Variants in EFCAB13 observed in about 807,000 individuals in gnomAD.
EFCAB13 encodes EF-hand calcium-binding domain-containing protein 13.
Under a neutral mutation model 110.2 loss-of-function variants are expected in EFCAB13, and 91 were observed. The ratio of observed to expected loss-of-function variants is 0.83; its 90% CI spans 0.70 to 0.98. EFCAB13 has a LOEUF of 0.98. Ranked by LOEUF, EFCAB13 falls within the 50% of genes least tolerant of loss-of-function variation. EFCAB13 has a pLI of 0.00. For synonymous variants in EFCAB13, 323 were observed against 369.9 expected, an observed-to-expected ratio of 0.87 and a Z score of 1.45; for missense variants, 968 against 1,119.4, an observed-to-expected ratio of 0.86 and a Z score of 1.93.
At chr17:47,361,607 G>C in intron 10 of EFCAB13, 86 bp downstream of exon 10, 1 of 1,158,702 alleles carries the variant, frequency 8.6e-7, no homozygotes, top group South Asian at 1.8e-5. Context: ...TTTGTGATCT[G>C]TCCTTTGCTT....
At chr17:47,356,154 G>A (rs2065479543) in intron 9 of EFCAB13, among the ~76,000 whole-genome samples, 1 of 150,952 alleles carries the variant, frequency 6.6e-6, no homozygotes, top group Non-Finnish European at 1.5e-5. Context: ...TCCTTGATTA[G>A]CCTAATAATT....
intron 24 of EFCAB13, 92 bp downstream of exon 24, chr17:47,430,053 T>C: frequency 2.8e-6 from 4 of 1,414,806 alleles, no homozygotes; most frequent in Non-Finnish European, 3.7e-6. Context: ...ATGGAGGGTA[T>C]CCTGTGGAAG....
intron 24 of EFCAB13, among the ~76,000 whole-genome samples, chr17:47,433,279 T>C (rs1174716998): frequency 1.3e-5 from 2 of 152,184 alleles, no homozygotes; most frequent in East Asian, 3.8e-4. Context: ...CAACATATAA[T>C]GCATTATATT....
At chr17:47,386,385 T>C (rs1032375180) in intron 14 of EFCAB13, among the ~76,000 whole-genome samples, 5 of 152,142 alleles carry the variant, frequency 3.3e-5, no homozygotes, top group African/African-American at 9.7e-5. Context: ...CTGCAGCCAC[T>C]TTGCCACACT....
chr17:47,396,338 G>T lies in EFCAB13; in HGVS notation c.1945+361G>T, dbSNP rs1268923617. Among the ~76,000 whole-genome samples, 9 of 151,976 alleles carry T rather than the reference G, an allele frequency of 5.9e-5. No homozygotes were observed. In the East Asian group the frequency reaches 1.5e-3, roughly 26 times the overall value. On this transcript the variant is annotated intron_variant, in intron 17 of 24. Transcript: ENST00000331493. ...TAACAGTACTTGGAATATTCATACT[G>T]TTTTGTTGAAATAGGCTTTTATTTA...
chr17:47,395,745 C>A, intron 16 of EFCAB13, 89 bp from the exon 17 acceptor site: 2 of 1,153,448 alleles, frequency 1.7e-6, no homozygotes, highest in Non-Finnish European at 1.2e-6. Flanking sequence ...ACCATAAAAA[C>A]CTTAATTTTT....
chr17:47,412,861 T>C lies in EFCAB13; in HGVS notation c.2367T>C (p.Asn789=), dbSNP rs2143470122. The change falls in exon 22 of 25, where the codon AAT becomes AAC. Residue 789 remains asparagine (N), a synonymous_variant. Transcript: ENST00000331493. ...PDLEHALKCL[N]VNLTEEDFNE... is the part of the protein sequence containing the mutation. ...TGGAGCATGCCTTGAAATGTTTGAATGTTAATTTAACTGAGGAGGACTTCA... is the reference window on the plus strand; with the variant it reads ...TGGAGCATGCCTTGAAATGTTTGAACGTTAATTTAACTGAGGAGGACTTCA... The C allele has an allele frequency of 1.2e-6, 2 of 1,613,952 alleles. No homozygotes were observed. The highest frequency in any genetic ancestry group is 1.7e-4 in the Middle Eastern group (1 of 6,056).
intron 4 of EFCAB13, among the ~76,000 whole-genome samples, chr17:47,330,372 T>C (rs1314248150): frequency 6.6e-6 from 1 of 152,106 alleles, no homozygotes; most frequent in Non-Finnish European, 1.5e-5. Context: ...GGCTGAATTA[T>C]ACAGTGGTGA....
intron 9 of EFCAB13, among the ~76,000 whole-genome samples, chr17:47,359,482 A>G (rs538522402): frequency 1.3e-5 from 2 of 150,526 alleles, no homozygotes; most frequent in African/African-American, 2.4e-5. Flanking sequence ...CTGACTATAA[A>G]TGATTTTCCG....
chr17:47,368,865 G>A (rs1011575227), intron 10 of EFCAB13, among the ~76,000 whole-genome samples: 3 of 152,128 alleles, frequency 2.0e-5, no homozygotes, highest in Admixed American at 6.5e-5. Context: ...CTCTACTACC[G>A]CAAGGCACAC....
At chr17:47,402,282 G>T in intron 18 of EFCAB13, 79 bp downstream of exon 18, 1 of 1,281,876 alleles carries the variant, frequency 7.8e-7, no homozygotes, top group Non-Finnish European at 1.1e-6. Context: ...TTAATGCTGT[G>T]TGTTCACCTA....
At chr17:47,418,524 T>C (rs1332982949) in intron 23 of EFCAB13, among the ~76,000 whole-genome samples, 1 of 152,236 alleles carries the variant, frequency 6.6e-6, no homozygotes, top group East Asian at 1.9e-4. Flanking sequence ...TTTTTTCACA[T>C]TTTGTTAGTT....
At chr17:47,399,853 T>C (rs72829618) in intron 17 of EFCAB13, among the ~76,000 whole-genome samples, 13,344 of 152,228 alleles carry the variant, frequency 0.088, 835 homozygotes, top group East Asian at 0.35. Context: ...TTCCCAAATA[T>C]CTAGTCATGT....
chr17:47,352,582 C>T (rs1192073586), intron 9 of EFCAB13, among the ~76,000 whole-genome samples: 1 of 152,068 alleles, frequency 6.6e-6, no homozygotes, highest in African/African-American at 2.4e-5. Flanking sequence ...CCTTTAGTTC[C>T]ATGTAAATTT....
At chr17:47,357,611 C>T (rs1195563718) in intron 9 of EFCAB13, among the ~76,000 whole-genome samples, 1 of 152,180 alleles carries the variant, frequency 6.6e-6, no homozygotes, top group Non-Finnish European at 1.5e-5. Flanking sequence ...AGTGGGATTT[C>T]ACCATGTTGG....
At chr17:47,366,478 G>A (rs1386450049) in intron 10 of EFCAB13, among the ~76,000 whole-genome samples, 4 of 152,108 alleles carry the variant, frequency 2.6e-5, no homozygotes, top group East Asian at 3.9e-4. Context: ...TCAGAGTAAC[G>A]TTGCCTTGCA....
chr17:47,327,778 G>A (rs7221345), intron 3 of EFCAB13, among the ~76,000 whole-genome samples: 87,683 of 151,936 alleles, frequency 0.58, 25,620 homozygotes, highest in Middle Eastern at 0.64. Context: ...GTTTGCAGTA[G>A]CATTGTTTTG....
At chr17:47,384,668 C>T (rs988845730) in intron 14 of EFCAB13, among the ~76,000 whole-genome samples, 7 of 152,148 alleles carry the variant, frequency 4.6e-5, no homozygotes, top group Middle Eastern at 3.4e-3. Context: ...GAATATTGGC[C>T]CCCACTCTCT....
At position 47,423,645 on chromosome 17, in the gene EFCAB13, C is replaced by T. The variant is rs1003930847; in HGVS notation, c.2495-6173C>T. 7.8e-6 allele frequency: 3 copies of T among 385,276 alleles called. No homozygotes were observed. In the Admixed American group the frequency reaches 1.4e-4, roughly 18 times the overall value. 23.9% of individuals were successfully genotyped at this position (385,276 alleles called of 1,614,324 possible). A position where few individuals can be genotyped will look rare whatever the true frequency, so the allele number is the denominator to read the frequency against. On this transcript the variant is annotated intron_variant, in intron 23 of 24. Coordinates refer to ENST00000331493, the MANE Select transcript of EFCAB13 (RefSeq NM_152347.5). ...TCCATTGTTTCGCTTCTCTGGGTTCCAGGTAGGTGCGGGCGGCGCGCGGGG... is the reference window on the plus strand; with the variant it reads ...TCCATTGTTTCGCTTCTCTGGGTTCTAGGTAGGTGCGGGCGGCGCGCGGGG...
Sources: allele counts gnomAD v4.1 joint callset (sites outside exome capture counted in the v4.1 genomes callset), GRCh38; gene constraint gnomAD v4.1.1; transcripts MANE v1.5; gene names NCBI Gene and HGNC (gene_info 2026-07-23, HGNC 2026-07-21).